The following WIPF2 variants were observed in gnomAD, a reference collection of about 807,000 sequenced individuals.
WIPF2 encodes the protein WAS/WASL-interacting protein family member 2.
Under a neutral mutation model 38.8 loss-of-function variants are expected in WIPF2, and 23 were observed. That is an observed-to-expected ratio of 0.59 (90% CI 0.43 to 0.84). The LOEUF is 0.84. WIPF2 is among the 40% of genes least tolerant of loss of function. The pLI is 0.00. For synonymous variants in WIPF2, 210 were observed against 223.2 expected (o/e 0.94, Z 0.53); for missense variants, 574 against 580.5 (o/e 0.99, Z 0.11).
rs1208244164 is a variant in WIPF2 at position 40,281,657 on chromosome 17, G to A, written c.*3432G>A. ...AACTTGAAACCCAGATTTACCTCCAGGGAGAGGTGAGAAAAAAATTGTAAA... is the reference window on the plus strand; with the variant it reads ...AACTTGAAACCCAGATTTACCTCCAAGGAGAGGTGAGAAAAAAATTGTAAA... On this transcript the variant is annotated 3_prime_UTR_variant, in exon 8 of 8. Coordinates refer to ENST00000323571, the MANE Select transcript of WIPF2 (RefSeq NM_133264.5). 1.3e-5 allele frequency: 2 copies of A among 152,556 alleles called. No homozygotes were observed. The highest frequency in any genetic ancestry group is 4.8e-5 in the African/African-American group (2 of 41,388). The allele number at this position is 152,556 out of a possible 1,614,324, so 9.5% of individuals were successfully genotyped here.
intron 6 of WIPF2, among the ~76,000 whole-genome samples, chr17:40,276,299 A>T (rs2032396864): frequency 6.6e-6 from 1 of 151,836 alleles, no homozygotes; most frequent in African/African-American, 2.4e-5. Context: ...AGGCCGAGGC[A>T]GGTGGATCAC....
At chr17:40,221,198 T>TA (rs2030220436) in intron 1 of WIPF2, among the ~76,000 whole-genome samples, 2 of 152,198 alleles carry the variant, frequency 1.3e-5, no homozygotes, top group Non-Finnish European at 2.9e-5. Context: ...TTGACTGTCT[T>TA]ACTGAATGTT....
chr17:40,272,249 C>A (rs992862368), intron 5 of WIPF2, among the ~76,000 whole-genome samples: 1 of 152,084 alleles, frequency 6.6e-6, no homozygotes, highest in Non-Finnish European at 1.5e-5. Flanking sequence ...GAACTCCCGA[C>A]CTCAGGTGAT....
chr17:40,267,685 A>G (rs762249258), intron 5 of WIPF2, among the ~76,000 whole-genome samples: 1 of 152,194 alleles, frequency 6.6e-6, no homozygotes, highest in Non-Finnish European at 1.5e-5. Context: ...AATTACAGGC[A>G]TGTGCCACCA....
At chr17:40,274,668 G>C (rs977669061) in intron 6 of WIPF2, among the ~76,000 whole-genome samples, 3 of 151,166 alleles carry the variant, frequency 2.0e-5, no homozygotes, top group Admixed American at 6.6e-5. Context: ...AGGATTGGGC[G>C]TGGTGGCTCA....
At chr17:40,247,000 A>G (rs942755480) in intron 1 of WIPF2, among the ~76,000 whole-genome samples, 2 of 151,570 alleles carry the variant, frequency 1.3e-5, no homozygotes, top group Non-Finnish European at 2.9e-5. Flanking sequence ...AATCCCAGCT[A>G]CTTGGAAGGC....
At chr17:40,247,741 C>T (rs904867752) in intron 1 of WIPF2, among the ~76,000 whole-genome samples, 2 of 151,992 alleles carry the variant, frequency 1.3e-5, no homozygotes, top group Non-Finnish European at 2.9e-5. Flanking sequence ...AGGCTGGTCT[C>T]AAACTCCTGA....
intron 5 of WIPF2, among the ~76,000 whole-genome samples, chr17:40,266,935 G>GT (rs2032107674): frequency 6.6e-6 from 1 of 152,172 alleles, no homozygotes; most frequent in Admixed American, 6.5e-5. Flanking sequence ...GGGTGTAGTG[G>GT]TAGAAGCATG....
rs140800331 is a variant in WIPF2 at position 40,227,686 on chromosome 17, C to G, written c.-70+8194C>G. 6.6e-5 allele frequency among the ~76,000 whole-genome samples: 10 copies of G among 151,976 alleles called. 1 individual carries two copies. Among genetic ancestry groups the G allele is most frequent in the African/African-American group, 2.4e-4 (10 of 41,468 alleles). ...TGGCCAACATGGTGAAACCCTGTCT[C>G]TATTAAGAATATAAAAATTAGCGGG... On this transcript the variant is annotated intron_variant, in intron 1 of 7. Transcript: ENST00000323571.
chr17:40,260,922 G>A, intron 3 of WIPF2: 1 of 475,646 alleles, frequency 2.1e-6, no homozygotes. Flanking sequence ...GGAGGTCAAG[G>A]TGGAAAGATT....
chr17:40,250,810 T>C (rs2031534902), intron 1 of WIPF2, among the ~76,000 whole-genome samples: 1 of 152,066 alleles, frequency 6.6e-6, no homozygotes, highest in Non-Finnish European at 1.5e-5. Context: ...TGCTCACTTG[T>C]AGTCCTATCT....
At chr17:40,252,441 A>G (rs773058828) in intron 1 of WIPF2, among the ~76,000 whole-genome samples, 4 of 152,104 alleles carry the variant, frequency 2.6e-5, no homozygotes, top group Non-Finnish European at 4.4e-5. Context: ...AGGCGTGAGG[A>G]TCATTTGAGG....
chr17:40,237,764 G>A (rs923351149), intron 1 of WIPF2, among the ~76,000 whole-genome samples: 1 of 149,700 alleles, frequency 6.7e-6, no homozygotes, highest in Non-Finnish European at 1.5e-5. Flanking sequence ...TCCTGCCTCA[G>A]CCTCATAAGT....
Position 40,273,975 on chromosome 17 carries a change from A to G in WIPF2, c.1156A>G (p.Ile386Val), listed in dbSNP as rs374632767. Reference protein sequence around the residue: ...PPLRNGHRDSITTVRSFLDDF... With the variant: ...PPLRNGHRDSVTTVRSFLDDF... Reference sequence around the variant, plus strand: ...CCTGAGGAATGGCCACAGAGATTCTATCACCACTGTCCGGTCTTTCTTGGG... The same window carrying G: ...CCTGAGGAATGGCCACAGAGATTCTGTCACCACTGTCCGGTCTTTCTTGGG... Residue 386 changes from isoleucine to valine, a missense_variant, in exon 6 of 8, where the codon ATC becomes GTC. Transcript: ENST00000323571. The G allele has an allele frequency of 1.0e-4, 158 of 1,577,150 alleles. No individual in the cohort carries two copies. The highest frequency in any genetic ancestry group is 8.1e-4 in the South Asian group (70 of 86,348).
chr17:40,221,334 T>G (rs569649918), intron 1 of WIPF2, among the ~76,000 whole-genome samples: 1 of 152,238 alleles, frequency 6.6e-6, no homozygotes, highest in South Asian at 2.1e-4. Flanking sequence ...TTTTTTCCCC[T>G]TTGAAATATA....
At chr17:40,232,335 G>GCCCCA (rs536064082) in intron 1 of WIPF2, among the ~76,000 whole-genome samples, 63 of 151,278 alleles carry the variant, frequency 4.2e-4, no homozygotes, top group Non-Finnish European at 8.4e-4. Context: ...AATCACAGGT[G>GCCCCA]CACGCCACCA....
intron 6 of WIPF2, among the ~76,000 whole-genome samples, chr17:40,276,631 C>T (rs1167068387): frequency 6.6e-6 from 1 of 151,816 alleles, no homozygotes; most frequent in Non-Finnish European, 1.5e-5. Context: ...AAAGAATCAG[C>T]TCAGGCTAGG....
At chr17:40,265,221 G>A in intron 5 of WIPF2, 75 bp downstream of exon 5, 1 of 1,491,244 alleles carries the variant, frequency 6.7e-7, no homozygotes, top group Non-Finnish European at 9.0e-7. Flanking sequence ...ACTCCTTGAA[G>A]ACAGTAATTC....
chr17:40,260,636 C>G lies in WIPF2; in HGVS notation c.165C>G (p.Asn55Lys). The part of the protein sequence containing the change: ...CKGTKLKKVT[N>K]INDRSAPILE... ...GGACCAAGCTGAAGAAGGTGACCAA[C>G]ATTAATGATCGGAGTGCTCCCATCC... The change falls in exon 3 of 8, where the codon AAC (asparagine) becomes AAG (lysine). Residue 55 changes from asparagine to lysine, a missense_variant. Asn to Lys is a moderately conservative substitution (Grantham distance 94). Transcript: ENST00000323571. 6.2e-7 allele frequency: 1 copy of G among 1,613,878 alleles called. No homozygotes were observed. Among genetic ancestry groups the G allele is most frequent in the Non-Finnish European group, 8.5e-7 (1 of 1,179,982 alleles).
Sources: gnomAD v4.1 joint callset for allele counts (sites outside exome capture counted in the v4.1 genomes callset) on GRCh38, gnomAD v4.1.1 for gene constraint, MANE v1.5 for transcripts, NCBI Gene and HGNC (gene_info 2026-07-23, HGNC 2026-07-21) for gene names.